Variants in KCNIP4 observed in about 807,000 individuals in gnomAD.
KCNIP4 encodes potassium voltage-gated channel interacting protein 4, also known as Kv channel-interacting protein 4.
Under a neutral mutation model 34.0 loss-of-function variants are expected in KCNIP4, and 12 were observed. That is an observed-to-expected ratio of 0.35 (90% CI 0.23 to 0.57). KCNIP4 has a LOEUF of 0.57. Among genes scored for constraint, KCNIP4 ranks in the 20% least tolerant of loss-of-function variants. The probability of loss-of-function intolerance (pLI) is 0.83; values close to 1 mark genes in which losing one functional copy is unlikely to be tolerated. For synonymous variants in KCNIP4, 124 were observed against 102.2 expected (o/e 1.21, Z -1.29); for missense variants, 238 against 311.7 (o/e 0.76, Z 1.78).
chr4:21,920,467 T>C (rs1002516419), intron 1 of KCNIP4, among the ~76,000 whole-genome samples: 1 of 152,006 alleles, frequency 6.6e-6, no homozygotes, highest in African/African-American at 2.4e-5. Context: ...GACTTTGGGG[T>C]GTTGTTTGGG....
chr4:21,716,339 C>T (rs1246987492), intron 1 of KCNIP4, among the ~76,000 whole-genome samples: 2 of 152,000 alleles, frequency 1.3e-5, no homozygotes, highest in Non-Finnish European at 2.9e-5. Flanking sequence ...CGGGTTCAAG[C>T]GATTCTTCTG....
chr4:21,849,126 A>C (rs1396509209), intron 1 of KCNIP4: 1 of 152,186 alleles, frequency 6.6e-6, no homozygotes, highest in Non-Finnish European at 1.5e-5. Context: ...GTTCATTTGC[A>C]ATGAAAATAT....
At chr4:21,556,162 T>C (rs1343316662) in intron 1 of KCNIP4, among the ~76,000 whole-genome samples, 2 of 152,162 alleles carry the variant, frequency 1.3e-5, no homozygotes, top group African/African-American at 4.8e-5. Context: ...TTGAGAATAC[T>C]ATGGAATATT....
In KCNIP4 at chr4:21,738,091, CAAAATAAA is replaced by C. The variant is rs1716122254; in HGVS notation, c.61+210472_61+210479del. Among the ~76,000 whole-genome samples, 3 of 115,288 alleles carry C rather than the reference CAAAATAAA, an allele frequency of 2.6e-5. No individual in the cohort carries two copies. In the Admixed American group the frequency reaches 2.9e-4, roughly 11 times the overall value. 75.6% of individuals were successfully genotyped at this position (115,288 alleles called of 152,430 possible). A position where few individuals can be genotyped will look rare whatever the true frequency, so the allele number is the denominator to read the frequency against. ...TGGGCGACAGAGCGAGACTCCATCT[CAAAATAAA>C]TAAATAAATAAATAAATAAATAAAT... On this transcript the variant is annotated intron_variant, in intron 1 of 8. Coordinates refer to ENST00000382152, the MANE Select transcript of KCNIP4 (RefSeq NM_025221.6).
chr4:21,904,112 A>C (rs12649683), intron 1 of KCNIP4, among the ~76,000 whole-genome samples: 48,776 of 151,908 alleles, frequency 0.32, 8,307 homozygotes, highest in African/African-American at 0.44. Context: ...AAATTTCAGA[A>C]ATCATGAATA....
intron 1 of KCNIP4, among the ~76,000 whole-genome samples, chr4:21,477,418 C>G (rs1731078007): frequency 6.6e-6 from 1 of 152,128 alleles, no homozygotes; most frequent in African/African-American, 2.4e-5. Context: ...TTGAATATCA[C>G]TGTCTTTTCT....
intron 1 of KCNIP4, among the ~76,000 whole-genome samples, chr4:20,890,005 A>C (rs569059518): frequency 6.6e-6 from 1 of 152,328 alleles, no homozygotes; most frequent in African/African-American, 2.4e-5. Context: ...CAGTGGCTAC[A>C]TAGAAAAAAA....
chr4:20,891,662 A>C (rs1725927462), intron 1 of KCNIP4, among the ~76,000 whole-genome samples: 2 of 152,116 alleles, frequency 1.3e-5, no homozygotes, highest in Non-Finnish European at 1.5e-5. Flanking sequence ...CTGTGATCCC[A>C]TCTGTGTTCT....
At chr4:20,890,246 G>GA (rs1327886854) in intron 1 of KCNIP4, among the ~76,000 whole-genome samples, 7 of 152,054 alleles carry the variant, frequency 4.6e-5, no homozygotes, top group Admixed American at 6.6e-5. Flanking sequence ...ATTTAGGAAA[G>GA]AAAAAATAAT....
At chr4:21,618,322 T>C (rs1430157599) in intron 1 of KCNIP4, among the ~76,000 whole-genome samples, 1 of 152,116 alleles carries the variant, frequency 6.6e-6, no homozygotes, top group Non-Finnish European at 1.5e-5. Flanking sequence ...ATAAGTCAAT[T>C]GAGTTAAAGC....
At position 21,338,220 on chromosome 4, in the gene KCNIP4, G is replaced by C. The variant is rs370623485; in HGVS notation, c.62-455511C>G. Reference sequence around the variant, plus strand: ...GCGCAGTTTGCAGTGAGCCAAGATCGCACCACTGCACTCCAGCCTGGGCGA... The same window carrying C: ...GCGCAGTTTGCAGTGAGCCAAGATCCCACCACTGCACTCCAGCCTGGGCGA... On this transcript the variant is annotated intron_variant, in intron 1 of 8. Coordinates refer to ENST00000382152, the MANE Select transcript of KCNIP4 (RefSeq NM_025221.6). Among the ~76,000 whole-genome samples, 372 of 128,786 alleles carry C rather than the reference G, an allele frequency of 2.9e-3. 1 individual carries two copies. The highest frequency in any genetic ancestry group is 0.01 in the African/African-American group (342 of 33,416). The allele number at this position is 128,786 out of a possible 152,430, so 84.5% of individuals were successfully genotyped here.
intron 3 of KCNIP4, among the ~76,000 whole-genome samples, chr4:20,804,962 T>C (rs1042534894): frequency 5.8e-4 from 88 of 152,234 alleles, no homozygotes; most frequent in Non-Finnish European, 2.2e-4. Flanking sequence ...CAGTTTCTTC[T>C]AATGGCAGGA....
At chr4:20,960,773 A>G (rs944059969) in intron 1 of KCNIP4, among the ~76,000 whole-genome samples, 13 of 152,346 alleles carry the variant, frequency 8.5e-5, no homozygotes, top group South Asian at 8.3e-4. Flanking sequence ...AACTAAATGG[A>G]TGTTAAACAA....
intron 1 of KCNIP4, among the ~76,000 whole-genome samples, chr4:20,913,958 C>T (rs1273418081): frequency 6.6e-6 from 1 of 152,026 alleles, no homozygotes; most frequent in Non-Finnish European, 1.5e-5. Flanking sequence ...GAGTTCAAGA[C>T]CAGCCTGGCT....
At chr4:21,826,451 G>A (rs114387027) in intron 1 of KCNIP4, among the ~76,000 whole-genome samples, 2,330 of 152,032 alleles carry the variant, frequency 0.015, 54 homozygotes, top group African/African-American at 0.053. Context: ...TATCTTGATC[G>A]TAGCTTATTT....
intron 1 of KCNIP4, among the ~76,000 whole-genome samples, chr4:21,032,446 C>T (rs1458273026): frequency 3.9e-5 from 6 of 152,072 alleles, no homozygotes; most frequent in Non-Finnish European, 5.9e-5. Flanking sequence ...CCCTCTAATA[C>T]CAAGCCTTTT....
intron 1 of KCNIP4, among the ~76,000 whole-genome samples, chr4:21,118,911 A>T (rs1261829103): frequency 6.6e-6 from 1 of 152,226 alleles, no homozygotes; most frequent in African/African-American, 2.4e-5. Context: ...CTAAGACCTT[A>T]GCCTCAACCT....
In KCNIP4 at chr4:21,393,201, G is replaced by C. The variant is rs1462838886; in HGVS notation, c.62-510492C>G. 2.0e-5 allele frequency among the ~76,000 whole-genome samples: 3 copies of C among 152,274 alleles called. No homozygotes were observed. In the South Asian group the frequency reaches 6.2e-4, roughly 32 times the overall value. ...AAAACTCTCTTTCAAATGTCCATCA[G>C]AATAGACATTTATCCCTAGTAAGGC... On this transcript the variant is annotated intron_variant, in intron 1 of 8. Coordinates refer to ENST00000382152, the MANE Select transcript of KCNIP4 (RefSeq NM_025221.6).
At chr4:21,837,208 C>T (rs1372944038) in intron 1 of KCNIP4, among the ~76,000 whole-genome samples, 7 of 150,046 alleles carry the variant, frequency 4.7e-5, no homozygotes, top group Admixed American at 2.0e-4. Context: ...GTGAGCCCCG[C>T]GATCGGCCAA....
Sources: gnomAD v4.1 joint callset for allele counts (sites outside exome capture counted in the v4.1 genomes callset) on GRCh38, gnomAD v4.1.1 for gene constraint, MANE v1.5 for transcripts, NCBI Gene and HGNC (gene_info 2026-07-23, HGNC 2026-07-21) for gene names.